Variants in POPDC3 observed in about 807,000 individuals in gnomAD.
The protein encoded by POPDC3 is popeye domain-containing protein 3.
In POPDC3, 20 loss-of-function variants were observed where a neutral mutation model predicts 28.2. The ratio of observed to expected loss-of-function variants is 0.71; its 90% CI spans 0.50 to 1.03. The LOEUF is 1.03. Ranked by LOEUF, POPDC3 falls within the 50% of genes least tolerant of loss-of-function variation. POPDC3 has a pLI of 0.00. For synonymous variants in POPDC3, 118 were observed against 124.1 expected (o/e 0.95, Z 0.33); for missense variants, 316 against 345.9 (o/e 0.91, Z 0.69).
chr6:105,158,310 A>G lies in POPDC3; in HGVS notation c.*160T>C, dbSNP rs976426092. 1.1e-4 allele frequency: 65 copies of G among 566,578 alleles called. No individual in the cohort carries two copies. The highest frequency in any genetic ancestry group is 3.2e-4 in the South Asian group (9 of 28,130). 35.1% of individuals were successfully genotyped at this position (566,578 alleles called of 1,614,324 possible). ...GAAAAATTTGTAAAGTTTATTCACA[A>G]TGCAGTTGTTGAAAGGAATAAAACA... On this transcript the variant is annotated 3_prime_UTR_variant, in exon 4 of 4. Coordinates refer to ENST00000254765, the MANE Select transcript of POPDC3 (RefSeq NM_022361.5).
At chr6:105,177,606 CAG>C (rs1774705767) in intron 1 of POPDC3, among the ~76,000 whole-genome samples, 1 of 152,204 alleles carries the variant, frequency 6.6e-6, no homozygotes, top group South Asian at 2.1e-4. Context: ...ATTCCTAAAA[CAG>C]ATCCATTTAG....
chr6:105,172,569 A>T (rs982811296), intron 1 of POPDC3, among the ~76,000 whole-genome samples: 4 of 150,888 alleles, frequency 2.7e-5, no homozygotes, highest in South Asian at 2.1e-4. Flanking sequence ...TCATGCTGCT[A>T]TAAAGACACA....
In POPDC3 at chr6:105,159,784, T is replaced by G. The variant is rs746910411; in HGVS notation, c.521A>C (p.Tyr174Ser). Residue 174 changes from tyrosine to serine, a missense_variant, in exon 3 of 4, where the codon TAC (tyrosine) becomes TCC (serine). Coordinates refer to ENST00000254765, the MANE Select transcript of POPDC3 (RefSeq NM_022361.5). Reference protein sequence around the residue: ...RVTVDGEFLHYIFPLQFLDSP... With the variant: ...RVTVDGEFLHSIFPLQFLDSP... ...ATCCAGGAACTGAAGGGGGAAAATG[T>G]AATGCAGAAATTCGCCATCAACTGT... 6.2e-7 allele frequency: 1 copy of G among 1,613,280 alleles called. No individual in the cohort carries two copies. Among genetic ancestry groups the G allele is most frequent in the East Asian group, 2.2e-5 (1 of 44,820 alleles).
At chr6:105,175,100 G>A (rs569581403) in intron 1 of POPDC3, among the ~76,000 whole-genome samples, 1,715 of 152,078 alleles carry the variant, frequency 0.011, 37 homozygotes, top group African/African-American at 0.04. Flanking sequence ...CCGGGAGGCT[G>A]AGGTTGCAGT....
rs529843869 is a variant in POPDC3, at chr6:105,161,781, A to C, written c.129T>G (p.Gly43=). Residue 43 remains glycine (G), a synonymous_variant, in exon 2 of 4, where the codon GGT becomes GGG. Coordinates refer to ENST00000254765, the MANE Select transcript of POPDC3 (RefSeq NM_022361.5). ...ASILFVVGFM[G]GSGFFGLLYV... Reference sequence around the variant, plus strand: ...AAAGGAGCCCGAAGAATCCACTGCCACCCATGAAACCTACTACAAATAAAA... The same window carrying C: ...AAAGGAGCCCGAAGAATCCACTGCCCCCCATGAAACCTACTACAAATAAAA... 5 of 1,614,196 alleles carry C rather than the reference A, an allele frequency of 3.1e-6. No homozygotes were observed. The South Asian group carries it at 5.5e-5, about 18-fold the overall frequency.
chr6:105,176,212 C>T (rs770473340), intron 1 of POPDC3, among the ~76,000 whole-genome samples: 9 of 152,206 alleles, frequency 5.9e-5, no homozygotes, highest in East Asian at 1.9e-4. Context: ...AAACAACTCA[C>T]GAATCAGGCA....
chr6:105,162,230 TCAG>T, intron 1 of POPDC3, 70 bp from the exon 2 acceptor site: 1 of 914,188 alleles, frequency 1.1e-6, no homozygotes, highest in African/African-American at 1.7e-5. Context: ...TATTTAATGA[TCAG>T]CAGCATTACT....
intron 1 of POPDC3, chr6:105,166,643 T>C (rs951833005): frequency 2.8e-5 from 13 of 471,012 alleles, no homozygotes; most frequent in Non-Finnish European, 5.7e-5. Context: ...CCAAGAGGGA[T>C]GAAGCTTGTG....
At chr6:105,163,343 G>A (rs1774388629) in intron 1 of POPDC3, among the ~76,000 whole-genome samples, 1 of 152,076 alleles carries the variant, frequency 6.6e-6, no homozygotes, top group Non-Finnish European at 1.5e-5. Context: ...CCATATGGTG[G>A]AAATGCTAAT....
intron 1 of POPDC3, among the ~76,000 whole-genome samples, chr6:105,174,680 G>C (rs1402294193): frequency 6.6e-6 from 1 of 152,112 alleles, no homozygotes; most frequent in Non-Finnish European, 1.5e-5. Flanking sequence ...TTGTGAGTCA[G>C]GGACTGTCTG....
chr6:105,161,991 A>G lies in POPDC3; in HGVS notation c.-82T>C, dbSNP rs1210465676. 2.0e-6 allele frequency: 3 copies of G among 1,518,904 alleles called. No homozygotes were observed. The highest frequency in any genetic ancestry group is 2.3e-5 in the Admixed American group (1 of 44,314). 94.1% of individuals were successfully genotyped at this position (1,518,904 alleles called of 1,614,324 possible). A position where few individuals can be genotyped will look rare whatever the true frequency, so the allele number is the denominator to read the frequency against. On this transcript the variant is annotated 5_prime_UTR_variant, in exon 2 of 4. An upstream start codon of the reference 5' UTR is lost. Coordinates refer to ENST00000254765, the MANE Select transcript of POPDC3 (RefSeq NM_022361.5). ...TAACTAAGTCCTTTGGTTCTCCATC[A>G]TGAGAGTTTTGTGCAGTCTTCACAA...
intron 1 of POPDC3, chr6:105,179,221 C>A (rs976393881): frequency 1.0e-6 from 1 of 985,346 alleles, no homozygotes; most frequent in Non-Finnish European, 1.2e-6. Context: ...GCAGGGGGAT[C>A]CCCAAATGGA....
At position 105,159,704 on chromosome 6, in the gene POPDC3, C is replaced by A; in HGVS notation, c.594+7G>T. On this transcript the variant is annotated splice_region_variant and intron_variant, in intron 3 of 3. Transcript: ENST00000254765. ...GAGTGCTAACTGTGTGTTCTGGTATCCCTTACCTGAAAAATGCCTTCCTCT... is the reference window on the plus strand; with the variant it reads ...GAGTGCTAACTGTGTGTTCTGGTATACCTTACCTGAAAAATGCCTTCCTCT... 1 of 1,521,234 alleles carries A rather than the reference C, an allele frequency of 6.6e-7. No individual in the cohort carries two copies. Among genetic ancestry groups the A allele is most frequent in the Non-Finnish European group, 9.1e-7 (1 of 1,095,830 alleles). 94.2% of individuals were successfully genotyped at this position (1,521,234 alleles called of 1,614,324 possible).
chr6:105,171,622 G>GA (rs1402770101), intron 1 of POPDC3, among the ~76,000 whole-genome samples: 1 of 151,800 alleles, frequency 6.6e-6, no homozygotes. Flanking sequence ...AGAGAGCTGT[G>GA]ATCACGCCAC....
chr6:105,167,168 G>A (rs1774474241), intron 1 of POPDC3, among the ~76,000 whole-genome samples: 3 of 151,752 alleles, frequency 2.0e-5, no homozygotes, highest in Non-Finnish European at 4.4e-5. Context: ...AGGATCTATT[G>A]AAACAGAGGA....
chr6:105,179,531 A>G (rs980943708), intron 1 of POPDC3, among the ~76,000 whole-genome samples: 4 of 152,190 alleles, frequency 2.6e-5, no homozygotes, highest in African/African-American at 9.6e-5. Context: ...TCTAGGGCAT[A>G]CGACTCGCGT....
chr6:105,179,284 CTG>C (rs1774737685), intron 1 of POPDC3: 3 of 982,882 alleles, frequency 3.1e-6, no homozygotes, highest in Non-Finnish European at 3.6e-6. Flanking sequence ...ACCCCCAACT[CTG>C]TGAGAACAGT....
intron 1 of POPDC3, chr6:105,163,730 A>G (rs1485339865): frequency 1.3e-5 from 2 of 152,102 alleles, no homozygotes; most frequent in Non-Finnish European, 2.9e-5. Context: ...TTGGATAGTG[A>G]TTCTTTTCTC....
chr6:105,160,976 T>C (rs1204143894), intron 2 of POPDC3, among the ~76,000 whole-genome samples: 1 of 152,172 alleles, frequency 6.6e-6, no homozygotes, highest in Non-Finnish European at 1.5e-5. Context: ...AGCCTGCTTC[T>C]CATGGGCAAT....
Sources: allele counts gnomAD v4.1 joint callset (sites outside exome capture counted in the v4.1 genomes callset), GRCh38; gene constraint gnomAD v4.1.1; transcripts MANE v1.5; gene names NCBI Gene and HGNC (gene_info 2026-07-23, HGNC 2026-07-21).